The following ABCD3 variants were observed in gnomAD, a reference collection of about 807,000 sequenced individuals.
ABCD3 encodes the protein ATP binding cassette subfamily D member 3.
A neutral mutation model predicts 105.5 loss-of-function variants in ABCD3; 41 were observed. The ratio of observed to expected loss-of-function variants is 0.39; its 90% confidence interval spans 0.30 to 0.50. The LOEUF (loss-of-function observed/expected upper bound fraction) is 0.50, where lower values mean the gene tolerates loss of function less well. Among genes scored for constraint, ABCD3 ranks in the 20% least tolerant of loss-of-function variants. The pLI is 0.84. For missense variants in ABCD3, 622 were observed against 806.3 expected (o/e 0.77, Z 2.77); for synonymous variants, 258 against 269.0 (o/e 0.96, Z 0.40).
intron 4 of ABCD3, chr1:94,472,078 A>ACC: frequency 3.4e-6 from 1 of 295,364 alleles, no homozygotes; most frequent in Non-Finnish European, 5.0e-6. Context: ...TTTAAAAATT[A>ACC]CCAAACTCTC....
chr1:94,414,172 C>G (rs1210140841), upstream of ABCD3, among the ~76,000 whole-genome samples: 1 of 152,064 alleles, frequency 6.6e-6, no homozygotes, highest in African/African-American at 2.4e-5. Flanking sequence ...GTGTGAGATG[C>G]TAAGGCTATT....
intron 16 of ABCD3, among the ~76,000 whole-genome samples, chr1:94,496,512 G>A (rs1036952853): frequency 5.3e-5 from 8 of 150,610 alleles, no homozygotes; most frequent in Non-Finnish European, 1.0e-4. Context: ...CTCTTGGGTC[G>A]CTTCCTTGCT....
intron 21 of ABCD3, among the ~76,000 whole-genome samples, chr1:94,508,869 C>G (rs573791874): frequency 6.4e-4 from 97 of 152,268 alleles, no homozygotes; most frequent in African/African-American, 2.2e-3. Context: ...TGCTTATCAG[C>G]TTAAGGAAAT....
chr1:94,447,751 A>T (rs941796672), intron 1 of ABCD3, among the ~76,000 whole-genome samples: 3 of 152,246 alleles, frequency 2.0e-5, no homozygotes, highest in African/African-American at 7.2e-5. Context: ...GACAAAATTC[A>T]GACTACTACT....
the ABCD3 span, among the ~76,000 whole-genome samples, chr1:94,385,973 G>T: frequency 1.3e-5 from 2 of 148,600 alleles, no homozygotes; most frequent in South Asian, 2.1e-4. Flanking sequence ...TACCTGATAC[G>T]TACTATAGTT....
the ABCD3 span, among the ~76,000 whole-genome samples, chr1:94,392,483 C>A: frequency 3.2e-4 from 49 of 152,296 alleles, no homozygotes; most frequent in African/African-American, 1.2e-3. Context: ...CCTAGTCTAT[C>A]CTGTTAGACA....
chr1:94,465,008 C>A, intron 3 of ABCD3, 135 bp downstream of exon 3: 1 of 772,792 alleles, frequency 1.3e-6, no homozygotes, highest in Non-Finnish European at 2.2e-6. Context: ...GGCACAGCAT[C>A]TCCTCCACTT....
chr1:94,489,784 A>T lies in ABCD3; in HGVS notation c.1217A>T (p.Tyr406Phe). The part of the protein sequence containing the change: ...QVLKDLNHGK[Y>F]ERTMVSQQEK... ...CTGAAGGATTTAAATCATGGCAAAT[A>T]TGAGCGCACAATGGTCTCACAACAG... is the stretch of plus-strand genomic sequence containing the variant. The change falls in exon 14 of 23, where the codon TAT (tyrosine) becomes TTT (phenylalanine). Residue 406 changes from tyrosine to phenylalanine, a missense_variant. Tyr to Phe is a conservative substitution (Grantham distance 22, BLOSUM62 3). Around this residue, in one of 4 missense-constraint regions of ABCD3, gnomAD observed 285 missense variants for 352.5 expected, o/e 0.81. Coordinates refer to ENST00000370214, the MANE Select transcript of ABCD3 (RefSeq NM_002858.4). 2 of 1,613,324 alleles carry T rather than the reference A, an allele frequency of 1.2e-6. No individual in the cohort carries two copies. The highest frequency in any genetic ancestry group is 1.7e-6 in the Non-Finnish European group (2 of 1,179,490).
chr1:94,474,925 T>G (rs1239015138), intron 5 of ABCD3, among the ~76,000 whole-genome samples: 1 of 152,142 alleles, frequency 6.6e-6, no homozygotes, highest in Admixed American at 6.6e-5. Flanking sequence ...ATTAGTGATA[T>G]TAACATATTC....
intron 16 of ABCD3, among the ~76,000 whole-genome samples, chr1:94,494,754 G>A (rs1246968011): frequency 6.6e-6 from 1 of 152,134 alleles, no homozygotes; most frequent in African/African-American, 2.4e-5. Context: ...TATCTGTCTA[G>A]ATATTATTCT....
At chr1:94,463,592 T>C (rs1270772406) in intron 2 of ABCD3, among the ~76,000 whole-genome samples, 1 of 152,172 alleles carries the variant, frequency 6.6e-6, no homozygotes, top group Non-Finnish European at 1.5e-5. Context: ...AAAGGGTTAG[T>C]CAGGGAATTG....
At chr1:94,434,949 G>A (rs1281884024) in intron 1 of ABCD3, among the ~76,000 whole-genome samples, 1 of 151,754 alleles carries the variant, frequency 6.6e-6, no homozygotes, top group African/African-American at 2.4e-5. Flanking sequence ...GTGCATTCCT[G>A]AAAACTATAA....
the ABCD3 span, among the ~76,000 whole-genome samples, chr1:94,410,306 A>G: frequency 6.6e-6 from 1 of 152,124 alleles, no homozygotes; most frequent in Non-Finnish European, 1.5e-5. Context: ...GGTTATTATT[A>G]TTATGGTATG....
intron 1 of ABCD3, chr1:94,455,743 G>A: frequency 1.1e-6 from 1 of 907,712 alleles, no homozygotes; most frequent in Non-Finnish European, 1.6e-6. Context: ...GTATTTCATG[G>A]AAACTTGGAG....
intron 9 of ABCD3, among the ~76,000 whole-genome samples, chr1:94,480,972 C>T (rs193050000): frequency 2.0e-4 from 31 of 152,268 alleles, no homozygotes; most frequent in African/African-American, 7.0e-4. Context: ...TCATAATGCT[C>T]AATGATTCAC....
At chr1:94,516,858 T>C (rs1024033448) in intron 22 of ABCD3, among the ~76,000 whole-genome samples, 194 bp from the exon 23 acceptor site, 4 of 151,912 alleles carry the variant, frequency 2.6e-5, no homozygotes, top group African/African-American at 9.7e-5. Flanking sequence ...TGGAACAGTC[T>C]TGCATTTAGC....
intron 7 of ABCD3, among the ~76,000 whole-genome samples, 173 bp from the exon 8 acceptor site, chr1:94,478,084 CTT>C (rs1272926912): frequency 6.6e-6 from 1 of 152,110 alleles, no homozygotes; most frequent in East Asian, 1.9e-4. Flanking sequence ...AAACTGTTAT[CTT>C]TCATGTATTC....
At chr1:94,497,182 A>G (rs1158789497) in intron 16 of ABCD3, among the ~76,000 whole-genome samples, 3 of 152,044 alleles carry the variant, frequency 2.0e-5, no homozygotes, top group Admixed American at 6.6e-5. Flanking sequence ...TTATTTTCTA[A>G]TATACTATTT....
intron 3 of ABCD3, among the ~76,000 whole-genome samples, chr1:94,466,975 T>C (rs535373713): frequency 2.6e-5 from 4 of 152,300 alleles, no homozygotes; most frequent in South Asian, 4.1e-4. Flanking sequence ...TATGTGTACT[T>C]GGGGTTGGGG....
Sources: gnomAD v4.1 joint callset for allele counts (sites outside exome capture counted in the v4.1 genomes callset) on GRCh38, gnomAD v4.1.1 for gene constraint, gnomAD v4.1.1 regional missense constraint, MANE v1.5 for transcripts, NCBI Gene and HGNC (gene_info 2026-07-23, HGNC 2026-07-21) for gene names.